Variants in EML6 observed in about 807,000 individuals in gnomAD.
EML6 encodes EMAP like 6.
A neutral mutation model predicts 240.1 loss-of-function variants in EML6; 154 were observed. The ratio of observed to expected loss-of-function variants is 0.64; its 90% confidence interval spans 0.56 to 0.73. EML6 has a LOEUF of 0.73. EML6 is among the 30% of genes least tolerant of loss of function. EML6 has a pLI of 0.00. For missense variants in EML6, 2,964 were observed against 2,474.6 expected, an observed-to-expected ratio of 1.20 and a Z score of -4.20; for synonymous variants, 1,148 against 899.0, an observed-to-expected ratio of 1.28 and a Z score of -4.95.
intron 2 of EML6, among the ~76,000 whole-genome samples, chr2:54,797,955 T>C (rs1669910785): frequency 6.6e-6 from 1 of 152,216 alleles, no homozygotes; most frequent in African/African-American, 2.4e-5. Context: ...TTCAAGGTTT[T>C]AGTTTTTTAA....
intron 35 of EML6, among the ~76,000 whole-genome samples, chr2:54,961,184 G>GTTGTTTTTTTTTGTTTTTTTT: frequency 1.8e-5 from 1 of 55,424 alleles, no homozygotes; most frequent in African/African-American, 8.1e-5. Flanking sequence ...TCAGGAAGTA[G>GTTGTTTTTTTTTGTTTTTTTT]TTTTTTTTTT....
At chr2:54,954,481 C>G (rs989493830) in intron 32 of EML6, among the ~76,000 whole-genome samples, 3 of 152,212 alleles carry the variant, frequency 2.0e-5, no homozygotes, top group Non-Finnish European at 4.4e-5. Flanking sequence ...ACCTTCCTAC[C>G]CAAGGGTCCT....
At chr2:54,944,619 G>T (rs1675587898) in intron 28 of EML6, among the ~76,000 whole-genome samples, 1 of 152,044 alleles carries the variant, frequency 6.6e-6, no homozygotes, top group African/African-American at 2.4e-5. Flanking sequence ...CCAAGTCTAA[G>T]ACGATATCCC....
At chr2:54,735,084 C>A (rs1204015426) in intron 2 of EML6, among the ~76,000 whole-genome samples, 1 of 152,178 alleles carries the variant, frequency 6.6e-6, no homozygotes, top group African/African-American at 2.4e-5. Context: ...GAAATGACCC[C>A]TCCTTTCTCC....
intron 2 of EML6, among the ~76,000 whole-genome samples, chr2:54,743,806 G>A (rs354202): frequency 0.92 from 140,792 of 152,298 alleles, 65,205 homozygotes; most frequent in East Asian, 1. Context: ...AAACACATAT[G>A]ACATTTACAT....
intron 26 of EML6, among the ~76,000 whole-genome samples, chr2:54,922,386 G>C (rs1573148408): frequency 1.3e-5 from 2 of 152,126 alleles, no homozygotes; most frequent in African/African-American, 4.8e-5. Flanking sequence ...ATTAAAAAAA[G>C]AACAAGTGTT....
chr2:54,742,179 T>A (rs567762513), intron 2 of EML6, among the ~76,000 whole-genome samples: 1 of 152,334 alleles, frequency 6.6e-6, no homozygotes, highest in East Asian at 1.9e-4. Context: ...TGTCTCTGCC[T>A]TGCTTAAAAA....
At chr2:54,923,139 C>T (rs1674349691) in intron 26 of EML6, among the ~76,000 whole-genome samples, 1 of 151,798 alleles carries the variant, frequency 6.6e-6, no homozygotes, top group South Asian at 2.1e-4. Context: ...TGGGGTTTCT[C>T]CATGTTGATC....
intron 2 of EML6, among the ~76,000 whole-genome samples, chr2:54,773,386 A>ACCTCTTTT (rs1668475718): frequency 6.6e-6 from 1 of 152,218 alleles, no homozygotes; most frequent in South Asian, 2.1e-4. Flanking sequence ...CTTTTCTGTC[A>ACCTCTTTT]GTGTTCCAAG....
chr2:54,775,344 CT>C (rs1422998519), intron 2 of EML6, among the ~76,000 whole-genome samples: 1 of 152,184 alleles, frequency 6.6e-6, no homozygotes, highest in Non-Finnish European at 1.5e-5. Context: ...ACACTGGCTT[CT>C]TTGCTATTTC....
chr2:54,758,335 T>G (rs148565050), intron 2 of EML6, among the ~76,000 whole-genome samples: 90 of 152,310 alleles, frequency 5.9e-4, no homozygotes, highest in African/African-American at 2.1e-3. Context: ...GTGGGAGTCC[T>G]GTATGTCCTG....
intron 35 of EML6, among the ~76,000 whole-genome samples, chr2:54,960,559 AG>A (rs1420206575): frequency 6.6e-6 from 1 of 152,192 alleles, no homozygotes; most frequent in African/African-American, 2.4e-5. Context: ...TCCAGCACAC[AG>A]GTTTGTCATG....
Position 54,866,877 on chromosome 2 carries a change from A to C in EML6, c.2044A>C (p.Ile682Leu). 1.9e-6 allele frequency: 3 copies of C among 1,547,260 alleles called. No individual in the cohort carries two copies. Among genetic ancestry groups the C allele is most frequent in the Non-Finnish European group, 2.6e-6 (3 of 1,143,094 alleles). Residue 682 changes from isoleucine to leucine, a missense_variant, in exon 14 of 42, where the codon ATA becomes CTA. Coordinates refer to ENST00000356458, the MANE Select transcript of EML6 (RefSeq NM_001039753.4). ...APEDSLKLQFIHGYRGYDCRN... is the reference protein window; with the variant it reads ...APEDSLKLQFLHGYRGYDCRN... ...TGAGGACAGCTTGAAACTCCAGTTC[A>C]TACACGGGTGGGTGGCCTGTCATGG...
At chr2:54,796,873 G>A (rs1228278258) in intron 2 of EML6, among the ~76,000 whole-genome samples, 1 of 152,050 alleles carries the variant, frequency 6.6e-6, no homozygotes, top group African/African-American at 2.4e-5. Flanking sequence ...CCTGTGGCCA[G>A]GTAGTCACAA....
At chr2:54,816,213 A>T (rs1017659041) in intron 3 of EML6, among the ~76,000 whole-genome samples, 6 of 152,136 alleles carry the variant, frequency 3.9e-5, no homozygotes, top group Non-Finnish European at 7.4e-5. Context: ...TTTTATTCTT[A>T]CTTTAAGGAC....
At chr2:54,747,712 C>T (rs1408505834) in intron 2 of EML6, among the ~76,000 whole-genome samples, 1 of 151,908 alleles carries the variant, frequency 6.6e-6, no homozygotes, top group African/African-American at 2.4e-5. Context: ...TTTATTTGGG[C>T]CCTAAGCAAA....
intron 35 of EML6, among the ~76,000 whole-genome samples, chr2:54,961,184 G>GTTGTTTTTTTTTTTTTGTTTTTTTTTGTT: frequency 1.8e-5 from 1 of 55,424 alleles, no homozygotes; most frequent in Non-Finnish European, 3.2e-5. Context: ...TCAGGAAGTA[G>GTTGTTTTTTTTTTTTTGTTTTTTTTTGTT]TTTTTTTTTT....
chr2:54,829,148 A>G (rs1399016215), intron 6 of EML6, among the ~76,000 whole-genome samples, 194 bp from the exon 7 acceptor site: 3 of 152,198 alleles, frequency 2.0e-5, no homozygotes, highest in African/African-American at 7.2e-5. Context: ...TTTTATTATT[A>G]TGATTTTTTA....
intron 2 of EML6, among the ~76,000 whole-genome samples, chr2:54,801,577 A>T (rs1201345439): frequency 2.0e-5 from 3 of 152,202 alleles, no homozygotes; most frequent in Non-Finnish European, 4.4e-5. Flanking sequence ...TAGAATATGG[A>T]TGAATCCGTT....
Sources: allele counts gnomAD v4.1 joint callset (sites outside exome capture counted in the v4.1 genomes callset), GRCh38; gene constraint gnomAD v4.1.1; transcripts MANE v1.5; gene names NCBI Gene and HGNC (gene_info 2026-07-23, HGNC 2026-07-21).